CAMK2D: variants seen among roughly 807,000 people sequenced by gnomAD.
CAMK2D encodes the protein calcium/calmodulin dependent protein kinase II delta.
CAMK2D carries 37 observed loss-of-function variants against 84.0 expected under a neutral mutation model. The observed-to-expected ratio is 0.44, with a 90% CI of 0.34 to 0.58. The LOEUF is 0.58. Among genes scored for constraint, CAMK2D ranks in the 20% least tolerant of loss-of-function variants. The pLI, the probability that CAMK2D is intolerant of heterozygous loss-of-function variation, is 0.02. For missense variants in CAMK2D, 448 were observed against 652.5 expected, an observed-to-expected ratio of 0.69 and a Z score of 3.41; for synonymous variants, 202 against 212.5, an observed-to-expected ratio of 0.95 and a Z score of 0.43.
At chr4:113,454,565 T>C in intron 20 of CAMK2D, 50 bp from the exon 21 acceptor site, 1 of 774,654 alleles carries the variant, frequency 1.3e-6, no homozygotes, top group Non-Finnish European at 2.4e-6. Context: ...TTTTACAAAA[T>C]ATCATCAAAT....
At chr4:113,572,521 A>G (rs914828086) in intron 4 of CAMK2D, among the ~76,000 whole-genome samples, 9 of 152,176 alleles carry the variant, frequency 5.9e-5, no homozygotes, top group African/African-American at 1.4e-4. Context: ...GCCAACAATT[A>G]TATGAAAAAA....
chr4:113,729,066 G>GA (rs144456487), intron 2 of CAMK2D, among the ~76,000 whole-genome samples: 7,999 of 152,102 alleles, frequency 0.053, 708 homozygotes, highest in African/African-American at 0.18. Flanking sequence ...AATGGACAAT[G>GA]GAAAGACACA....
At chr4:113,553,808 G>A (rs2098646177) in intron 4 of CAMK2D, among the ~76,000 whole-genome samples, 1 of 151,946 alleles carries the variant, frequency 6.6e-6, no homozygotes, top group Admixed American at 6.6e-5. Flanking sequence ...CTATAATAAG[G>A]CAATCACACA....
At chr4:113,753,793 G>C (rs1277671679) in intron 2 of CAMK2D, 16 of 975,488 alleles carry the variant, frequency 1.6e-5, no homozygotes, top group Non-Finnish European at 1.9e-5. Context: ...TTTCGGTTGG[G>C]TGGGGGCGGG....
chr4:113,737,749 G>A (rs2099584524), intron 2 of CAMK2D, among the ~76,000 whole-genome samples: 1 of 151,808 alleles, frequency 6.6e-6, no homozygotes, highest in Non-Finnish European at 1.5e-5. Context: ...TAATGCTTTA[G>A]TAATCATTTC....
chr4:113,462,046 C>A (rs1346434884), intron 17 of CAMK2D, among the ~76,000 whole-genome samples: 4 of 152,136 alleles, frequency 2.6e-5, no homozygotes, highest in Admixed American at 6.5e-5. Context: ...TATATATAGT[C>A]TCTTTCTAAG....
chr4:113,664,686 T>C (rs1455593992), intron 2 of CAMK2D, among the ~76,000 whole-genome samples: 3 of 152,186 alleles, frequency 2.0e-5, no homozygotes, highest in Non-Finnish European at 2.9e-5. Flanking sequence ...TCCCATCATG[T>C]TTTCCATATT....
intron 2 of CAMK2D, among the ~76,000 whole-genome samples, chr4:113,694,033 G>GT (rs2099395840): frequency 6.6e-6 from 1 of 152,080 alleles, no homozygotes; most frequent in South Asian, 2.1e-4. Flanking sequence ...ATCTTCTCAT[G>GT]TTTGTTAGTC....
rs545443541 is a variant in CAMK2D at position 113,692,677 on chromosome 4, T to C, written c.161-30905A>G. On this transcript the variant is annotated intron_variant, in intron 2 of 20. Coordinates refer to ENST00000511664, the MANE Select transcript of CAMK2D (RefSeq NM_001321571.2). ...ATACATACATATATTCATACATACA[T>C]ACTCATACATACATACATATATTCA... 3.9e-5 allele frequency among the ~76,000 whole-genome samples: 6 copies of C among 152,034 alleles called. No homozygotes were observed. The East Asian group carries it at 9.7e-4, about 24-fold the overall frequency.
chr4:113,650,671 G>T (rs962119415), intron 3 of CAMK2D, among the ~76,000 whole-genome samples: 3 of 152,116 alleles, frequency 2.0e-5, no homozygotes, highest in African/African-American at 7.2e-5. Flanking sequence ...ATTTGAAAGT[G>T]AGCATTTTGC....
At chr4:113,644,994 TTTG>T (rs924841826) in intron 3 of CAMK2D, among the ~76,000 whole-genome samples, 13 of 152,034 alleles carry the variant, frequency 8.6e-5, no homozygotes, top group African/African-American at 1.4e-4. Flanking sequence ...CTGAGAATTT[TTTG>T]TTGTTGTTGT....
chr4:113,585,568 GT>G (rs1256115005), intron 4 of CAMK2D, among the ~76,000 whole-genome samples: 1 of 152,004 alleles, frequency 6.6e-6, no homozygotes, highest in Non-Finnish European at 1.5e-5. Context: ...AAGGCATATG[GT>G]CAGAGGAAAA....
intron 4 of CAMK2D, among the ~76,000 whole-genome samples, chr4:113,584,878 G>T (rs888170278): frequency 6.6e-6 from 1 of 152,006 alleles, no homozygotes; most frequent in Non-Finnish European, 1.5e-5. Flanking sequence ...AAAGTTTTCT[G>T]GTTCTTTACG....
intron 2 of CAMK2D, among the ~76,000 whole-genome samples, chr4:113,727,989 C>T (rs1430937868): frequency 2.6e-5 from 4 of 152,094 alleles, no homozygotes; most frequent in African/African-American, 9.7e-5. Context: ...ACTAGAACGG[C>T]TAAAACAAAG....
intron 2 of CAMK2D, among the ~76,000 whole-genome samples, chr4:113,664,714 A>G (rs754731084): frequency 6.6e-6 from 1 of 152,210 alleles, no homozygotes; most frequent in Non-Finnish European, 1.5e-5. Context: ...TTAGAAAAAA[A>G]AACCTAGGCT....
At chr4:113,713,427 T>C (rs1412690139) in intron 2 of CAMK2D, among the ~76,000 whole-genome samples, 1 of 148,454 alleles carries the variant, frequency 6.7e-6, no homozygotes, top group Non-Finnish European at 1.5e-5. Context: ...ATATTATATA[T>C]AATTAAATGT....
chr4:113,561,695 C>T (rs1210893568), intron 4 of CAMK2D, among the ~76,000 whole-genome samples: 2 of 152,086 alleles, frequency 1.3e-5, no homozygotes, highest in Non-Finnish European at 2.9e-5. Flanking sequence ...AGAAACGATG[C>T]TTTCTGAAGG....
chr4:113,761,322 T>A lies in CAMK2D; in HGVS notation c.-254A>T. On this transcript the variant is annotated 5_prime_UTR_variant, in exon 1 of 21. Coordinates refer to ENST00000511664, the MANE Select transcript of CAMK2D (RefSeq NM_001321571.2). ...TCCTGCGGGCCTCGCTTCCTTCTTCTCCACTGGACGCTCCACCCGCCCCTT... is the reference window on the plus strand; with the variant it reads ...TCCTGCGGGCCTCGCTTCCTTCTTCACCACTGGACGCTCCACCCGCCCCTT... 2 of 1,403,578 alleles carry A rather than the reference T, an allele frequency of 1.4e-6. No homozygotes were observed. The highest frequency in any genetic ancestry group is 1.9e-6 in the Non-Finnish European group (2 of 1,079,994). The allele number at this position is 1,403,578 out of a possible 1,614,324, so 86.9% of individuals were successfully genotyped here. A position where few individuals can be genotyped will look rare whatever the true frequency, so the allele number is the denominator to read the frequency against.
chr4:113,619,852 A>C (rs2099037721), intron 3 of CAMK2D, among the ~76,000 whole-genome samples: 1 of 152,182 alleles, frequency 6.6e-6, no homozygotes. Context: ...TTACAGAAAA[A>C]GTCTGTTGAC....
Sources: allele counts gnomAD v4.1 joint callset (sites outside exome capture counted in the v4.1 genomes callset), GRCh38; gene constraint gnomAD v4.1.1; transcripts MANE v1.5; gene names NCBI Gene and HGNC (gene_info 2026-07-23, HGNC 2026-07-21).